Variants in MECOM observed in about 807,000 individuals in gnomAD.
The protein encoded by MECOM is histone-lysine N-methyltransferase MECOM.
Under a neutral mutation model 116.3 loss-of-function variants are expected in MECOM, and 13 were observed. The observed-to-expected ratio is 0.11, with a 90% CI of 0.07 to 0.18. The LOEUF (loss-of-function observed/expected upper bound fraction) is 0.18. Among genes scored for constraint, MECOM ranks in the 10% least tolerant of loss-of-function variants. MECOM has a pLI of 1.00. For missense variants in MECOM, 1,299 were observed against 1,509.0 expected (o/e 0.86, Z 2.31); for synonymous variants, 528 against 535.2 (o/e 0.99, Z 0.19).
intron 2 of MECOM, among the ~76,000 whole-genome samples, chr3:169,173,232 T>C (rs1577248593): frequency 6.6e-6 from 1 of 152,168 alleles, no homozygotes; most frequent in African/African-American, 2.4e-5. Flanking sequence ...GTTCATTTTC[T>C]ACTTCTCTGG....
At chr3:169,130,857 A>C (rs1734466281) in intron 4 of MECOM, among the ~76,000 whole-genome samples, 1 of 152,186 alleles carries the variant, frequency 6.6e-6, no homozygotes, top group Admixed American at 6.5e-5. Context: ...ATCTGACCTA[A>C]ACATGTATCA....
At chr3:169,620,901 G>A (rs1423840382) in intron 1 of MECOM, among the ~76,000 whole-genome samples, 2 of 152,236 alleles carry the variant, frequency 1.3e-5, no homozygotes, top group Non-Finnish European at 2.9e-5. Flanking sequence ...TTTTGAAAAT[G>A]AAAACGTAGC....
At chr3:169,354,772 G>T (rs1322753040) in intron 2 of MECOM, among the ~76,000 whole-genome samples, 1 of 151,230 alleles carries the variant, frequency 6.6e-6, no homozygotes, top group African/African-American at 2.5e-5. Flanking sequence ...ATGGGCATAT[G>T]TTTGTTCAGT....
chr3:169,458,634 T>C lies in MECOM; in HGVS notation c.38-77110A>G, dbSNP rs376005615. Among the ~76,000 whole-genome samples the C allele has an allele frequency of 1.4e-4, 22 of 152,312 alleles. No homozygotes were observed. In the South Asian group the frequency reaches 4.4e-3, roughly 30 times the overall value. On this transcript the variant is annotated intron_variant, in intron 1 of 16. Transcript: ENST00000651503. ...GCAGCAATCATGTCTTGCCTCATGA[T>C]TCATTTTTATATCTCACTCACCCGC... is the stretch of plus-strand genomic sequence containing the variant.
intron 2 of MECOM, among the ~76,000 whole-genome samples, chr3:169,236,701 CTT>C (rs1754112580): frequency 6.6e-6 from 1 of 152,176 alleles, no homozygotes; most frequent in Admixed American, 6.5e-5. Context: ...TGAAAAGACT[CTT>C]TGACTGTATG....
chr3:169,521,017 A>G (rs1757287336), intron 1 of MECOM, among the ~76,000 whole-genome samples: 1 of 152,218 alleles, frequency 6.6e-6, no homozygotes, highest in African/African-American at 2.4e-5. Flanking sequence ...GATGAAGCTC[A>G]ATAAATGGGA....
At chr3:169,491,162 C>T (rs973152566) in intron 1 of MECOM, among the ~76,000 whole-genome samples, 2 of 152,072 alleles carry the variant, frequency 1.3e-5, no homozygotes, top group African/African-American at 4.8e-5. Flanking sequence ...CAGTCTGAAA[C>T]ATTTCATAAT....
chr3:169,192,850 C>T (rs1022489845), intron 2 of MECOM, among the ~76,000 whole-genome samples: 4 of 152,058 alleles, frequency 2.6e-5, no homozygotes, highest in African/African-American at 7.2e-5. Flanking sequence ...CATGCATTCA[C>T]ACAAAACATA....
intron 1 of MECOM, among the ~76,000 whole-genome samples, chr3:169,641,649 T>C (rs1190668553): frequency 1.3e-5 from 2 of 152,202 alleles, no homozygotes; most frequent in Non-Finnish European, 2.9e-5. Flanking sequence ...AACAAAGCAT[T>C]CTCCAATGTA....
chr3:169,191,558 G>C (rs1417602447), intron 2 of MECOM, among the ~76,000 whole-genome samples: 4 of 150,486 alleles, frequency 2.7e-5, no homozygotes. Flanking sequence ...GAGAATGTAA[G>C]GAAAGAGTGA....
chr3:169,224,118 GA>G (rs1251812503), intron 2 of MECOM, among the ~76,000 whole-genome samples: 1 of 152,134 alleles, frequency 6.6e-6, no homozygotes, highest in Non-Finnish European at 1.5e-5. Context: ...CGATACTAAG[GA>G]GTATGATGGG....
intron 2 of MECOM, among the ~76,000 whole-genome samples, chr3:169,372,617 CA>C (rs1730327843): frequency 6.6e-6 from 1 of 151,898 alleles, no homozygotes; most frequent in South Asian, 2.1e-4. Context: ...TTATAAAAAT[CA>C]ATCGATAAAA....
At chr3:169,107,641 C>T (rs903658511) in intron 10 of MECOM, among the ~76,000 whole-genome samples, 2 of 152,084 alleles carry the variant, frequency 1.3e-5, no homozygotes, top group Admixed American at 6.6e-5. Flanking sequence ...CGTTTAACAG[C>T]GTGTTCCCAG....
chr3:169,661,178 G>A (rs761874400), intron 1 of MECOM, among the ~76,000 whole-genome samples: 4 of 152,180 alleles, frequency 2.6e-5, no homozygotes, highest in Non-Finnish European at 5.9e-5. Flanking sequence ...AGGGTTTTGT[G>A]TTCTGCTTTC....
intron 1 of MECOM, among the ~76,000 whole-genome samples, chr3:169,600,259 A>G (rs565709592): frequency 1.2e-4 from 18 of 152,298 alleles, no homozygotes; most frequent in African/African-American, 4.1e-4. Flanking sequence ...GGCATGAGCC[A>G]CCGTGCCCAG....
chr3:169,488,951 G>A (rs997456082), intron 1 of MECOM, among the ~76,000 whole-genome samples: 4 of 151,644 alleles, frequency 2.6e-5, no homozygotes. Flanking sequence ...TAAAAGAAAA[G>A]TAAAATACCT....
chr3:169,506,848 C>T (rs887717486), intron 1 of MECOM, among the ~76,000 whole-genome samples: 1 of 152,208 alleles, frequency 6.6e-6, no homozygotes, highest in African/African-American at 2.4e-5. Flanking sequence ...GCTCATCTCT[C>T]TGCCTTTGAA....
chr3:169,614,855 CT>C (rs1769788968), intron 1 of MECOM: 1 of 152,246 alleles, frequency 6.6e-6, no homozygotes. Flanking sequence ...TTGGGTTATA[CT>C]GCTAGTGCAC....
intron 2 of MECOM, among the ~76,000 whole-genome samples, chr3:169,168,493 T>C (rs968295489): frequency 1.3e-5 from 2 of 152,170 alleles, no homozygotes; most frequent in Non-Finnish European, 2.9e-5. Context: ...TACATTAAAA[T>C]CCTGTTAGGT....
Sources: allele counts gnomAD v4.1 joint callset (sites outside exome capture counted in the v4.1 genomes callset), GRCh38; gene constraint gnomAD v4.1.1; transcripts MANE v1.5; gene names NCBI Gene and HGNC (gene_info 2026-07-23, HGNC 2026-07-21).